TAFA1: variants seen among roughly 807,000 people sequenced by gnomAD.
The protein encoded by TAFA1 is chemokine-like protein TAFA-1.
Under a neutral mutation model 18.5 loss-of-function variants are expected in TAFA1, and 4 were observed. The ratio of observed to expected loss-of-function variants is 0.22; its 90% confidence interval spans 0.11 to 0.49. TAFA1 has a LOEUF of 0.49. TAFA1 is among the 20% of genes least tolerant of loss of function. The pLI, the probability that TAFA1 is intolerant of heterozygous loss-of-function variation, is 0.98. For synonymous variants in TAFA1, 56 were observed against 55.2 expected, an observed-to-expected ratio of 1.01 and a Z score of -0.06; for missense variants, 147 against 169.0, an observed-to-expected ratio of 0.87 and a Z score of 0.72.
chr3:68,235,325 T>C (rs1341788943), intron 2 of TAFA1, among the ~76,000 whole-genome samples: 1 of 152,180 alleles, frequency 6.6e-6, no homozygotes, highest in South Asian at 2.1e-4. Context: ...GAACTGTTGC[T>C]CTTCAGGAGG....
intron 2 of TAFA1, among the ~76,000 whole-genome samples, chr3:68,125,958 C>T (rs528339319): frequency 3.3e-5 from 5 of 152,290 alleles, no homozygotes; most frequent in East Asian, 1.9e-4. Context: ...GTTCCACATG[C>T]TTCTCAGTGG....
intron 2 of TAFA1, among the ~76,000 whole-genome samples, chr3:68,331,665 T>C (rs116119756): frequency 0.011 from 1,719 of 152,100 alleles, 12 homozygotes; most frequent in Non-Finnish European, 0.017. Flanking sequence ...GCTAAAGCAA[T>C]CTTGAGCAAG....
intron 2 of TAFA1, among the ~76,000 whole-genome samples, chr3:68,179,251 G>T (rs1325860783): frequency 6.6e-6 from 1 of 152,004 alleles, no homozygotes; most frequent in African/African-American, 2.4e-5. Context: ...AAAATTCTAG[G>T]ACATATACCA....
chr3:68,166,761 G>A (rs187507014), intron 2 of TAFA1, among the ~76,000 whole-genome samples: 1 of 152,242 alleles, frequency 6.6e-6, no homozygotes, highest in East Asian at 1.9e-4. Flanking sequence ...GGAAAGTTCT[G>A]CGAATCAAAT....
At chr3:68,537,906 C>T (rs1037527587) in intron 3 of TAFA1, among the ~76,000 whole-genome samples, 4 of 152,160 alleles carry the variant, frequency 2.6e-5, no homozygotes, top group African/African-American at 9.7e-5. Flanking sequence ...GTTTAATTAA[C>T]TCAAGGCTGG....
At chr3:68,511,584 T>A (rs1340942981) in intron 3 of TAFA1, among the ~76,000 whole-genome samples, 1 of 152,066 alleles carries the variant, frequency 6.6e-6, no homozygotes, top group African/African-American at 2.4e-5. Context: ...TATCTTACTT[T>A]AAATAACTAC....
intron 2 of TAFA1, among the ~76,000 whole-genome samples, chr3:68,281,774 C>G (rs1341805461): frequency 6.6e-6 from 1 of 152,228 alleles, no homozygotes; most frequent in South Asian, 2.1e-4. Flanking sequence ...GAAGTTTTTA[C>G]ATTGCGTGGG....
intron 2 of TAFA1, among the ~76,000 whole-genome samples, chr3:68,227,144 T>TG (rs1028389144): frequency 2.7e-5 from 4 of 148,128 alleles, no homozygotes; most frequent in Admixed American, 1.4e-4. Flanking sequence ...TCAAAATGTC[T>TG]GTTTTTTTTT....
At chr3:68,251,695 G>T (rs1483996107) in intron 2 of TAFA1, among the ~76,000 whole-genome samples, 1 of 152,176 alleles carries the variant, frequency 6.6e-6, no homozygotes, top group East Asian at 1.9e-4. Context: ...AGGTCCTGAG[G>T]CAGAAACAGT....
intron 2 of TAFA1, among the ~76,000 whole-genome samples, chr3:68,208,600 A>G (rs1185642036): frequency 6.6e-6 from 1 of 151,996 alleles, no homozygotes; most frequent in Admixed American, 6.6e-5. Flanking sequence ...AGATCCAGCA[A>G]GGCCTCATTC....
At chr3:68,211,017 C>T (rs1317648988) in intron 2 of TAFA1, among the ~76,000 whole-genome samples, 2 of 151,956 alleles carry the variant, frequency 1.3e-5, no homozygotes, top group Non-Finnish European at 2.9e-5. Context: ...GACCTTTGTC[C>T]CTTATCATTT....
chr3:68,411,044 G>A (rs1395814281), intron 2 of TAFA1, among the ~76,000 whole-genome samples: 2 of 152,176 alleles, frequency 1.3e-5, no homozygotes, highest in African/African-American at 4.8e-5. Flanking sequence ...GAAACTCTGG[G>A]GGAACATTTT....
intron 3 of TAFA1, among the ~76,000 whole-genome samples, chr3:68,446,592 C>T (rs996001852): frequency 1.6e-4 from 25 of 152,086 alleles, no homozygotes; most frequent in Admixed American, 5.9e-4. Context: ...CACTTCAGTA[C>T]CCAGTTTATT....
At chr3:68,341,415 A>T (rs2069080522) in intron 2 of TAFA1, among the ~76,000 whole-genome samples, 1 of 152,136 alleles carries the variant, frequency 6.6e-6, no homozygotes, top group Non-Finnish European at 1.5e-5. Flanking sequence ...AAATATCTCA[A>T]ACACTGATCT....
At chr3:68,250,120 T>C (rs980005632) in intron 2 of TAFA1, among the ~76,000 whole-genome samples, 2 of 152,174 alleles carry the variant, frequency 1.3e-5, no homozygotes, top group African/African-American at 2.4e-5. Flanking sequence ...TCATCACTTA[T>C]AGCTTTGTCC....
chr3:68,403,079 G>T (rs907273288), intron 2 of TAFA1, among the ~76,000 whole-genome samples: 1 of 152,068 alleles, frequency 6.6e-6, no homozygotes, highest in Admixed American at 6.6e-5. Context: ...TACTTATTAT[G>T]TTATAGCTGC....
At chr3:68,249,889 G>A (rs2067160030) in intron 2 of TAFA1, among the ~76,000 whole-genome samples, 1 of 152,220 alleles carries the variant, frequency 6.6e-6, no homozygotes, top group Middle Eastern at 3.4e-3. Flanking sequence ...CTCCTCTTGG[G>A]TAGACAACTT....
intron 2 of TAFA1, among the ~76,000 whole-genome samples, chr3:68,264,739 T>TAATTTCTATAAAGAAATTTATATTCTAG (rs2067509884): frequency 1.4e-5 from 2 of 146,200 alleles, no homozygotes; most frequent in Admixed American, 6.7e-5. Flanking sequence ...TTATATTCTA[T>TAATTTCTATAAAGAAATTTATATTCTAG]ATAATTTCTA....
intron 2 of TAFA1, among the ~76,000 whole-genome samples, chr3:68,393,010 A>G (rs1260218947): frequency 6.6e-6 from 1 of 152,068 alleles, no homozygotes; most frequent in Non-Finnish European, 1.5e-5. Flanking sequence ...TAAGATCAGA[A>G]CAGAACTGAA....
Sources: allele counts gnomAD v4.1 joint callset (sites outside exome capture counted in the v4.1 genomes callset), GRCh38; gene constraint gnomAD v4.1.1; transcripts MANE v1.5; gene names NCBI Gene and HGNC (gene_info 2026-07-23, HGNC 2026-07-21).